Variants in CASK observed in about 807,000 individuals in gnomAD.
The protein encoded by CASK is peripheral plasma membrane protein CASK.
In CASK, 4 loss-of-function variants were observed where a neutral mutation model predicts 82.9. The ratio of observed to expected loss-of-function variants is 0.05; its 90% CI spans 0.02 to 0.11. The LOEUF (loss-of-function observed/expected upper bound fraction) is 0.11. CASK is among the 10% of genes least tolerant of loss of function. The probability of loss-of-function intolerance (pLI) is 1.00; values close to 1 mark genes in which losing one functional copy is unlikely to be tolerated. For missense variants in CASK, 358 were observed against 720.9 expected, an observed-to-expected ratio of 0.50 and a Z score of 5.76; for synonymous variants, 259 against 253.5, an observed-to-expected ratio of 1.02 and a Z score of -0.20.
At chrX:41,823,534 C>T (rs2070594987) in intron 2 of CASK, among the ~76,000 whole-genome samples, 1 of 110,832 alleles carries the variant, frequency 9.0e-6, no homozygotes, top group South Asian at 3.9e-4. Flanking sequence ...CTGCCTACTA[C>T]AATCTTGTTT....
intron 2 of CASK, among the ~76,000 whole-genome samples, chrX:41,849,501 C>T (rs2071219455): frequency 8.9e-6 from 1 of 111,751 alleles, no homozygotes; most frequent in Non-Finnish European, 1.9e-5. Context: ...GTAGAAACTT[C>T]TTATTCATCT....
chrX:41,685,061 C>T (rs955221250), intron 5 of CASK, among the ~76,000 whole-genome samples: 7 of 111,627 alleles, frequency 6.3e-5, no homozygotes, highest in African/African-American at 2.3e-4. Context: ...TACTTGTTCT[C>T]ATAACTTTTC....
At chrX:41,539,176 C>G (rs937957738) in intron 22 of CASK, among the ~76,000 whole-genome samples, 1 of 112,063 alleles carries the variant, frequency 8.9e-6, no homozygotes, top group African/African-American at 3.2e-5. Flanking sequence ...TAGGCTGTCA[C>G]TTTATGATGG....
intron 5 of CASK, among the ~76,000 whole-genome samples, chrX:41,716,371 C>T (rs1230369198): frequency 8.9e-6 from 1 of 112,484 alleles, no homozygotes; most frequent in African/African-American, 3.2e-5. Context: ...CCTTATTTGC[C>T]TTCGCAAGTG....
At chrX:41,729,251 T>C (rs2147686722) in intron 5 of CASK, 1 of 123,358 alleles carries the variant, frequency 8.1e-6, no homozygotes, top group South Asian at 3.7e-4. Flanking sequence ...ATTTCTTCAT[T>C]TGTAGAGCAG....
rs142644042 is a variant in CASK at position 41,731,806 on chromosome X, G to A, written c.429+7578C>T. On this transcript the variant is annotated intron_variant, in intron 5 of 26. Coordinates refer to ENST00000378163, the MANE Select transcript of CASK (RefSeq NM_001367721.1). ...TTTGGAGACAGGGTCTGTCTCTGTC[G>A]TCCAGGCTGGAGTACAGTGGTGATC... Among the ~76,000 whole-genome samples, 251 of 110,810 alleles carry A rather than the reference G, an allele frequency of 2.3e-3. 1 individual carries two copies. The highest frequency in any genetic ancestry group is 3.7e-3 in the Non-Finnish European group (196 of 52,934).
chrX:41,806,060 T>G (rs2070117546), intron 2 of CASK, among the ~76,000 whole-genome samples: 2 of 111,418 alleles, frequency 1.8e-5, no homozygotes, highest in African/African-American at 6.5e-5. Context: ...TAAGAAATAT[T>G]GGAGAAGAGT....
intron 5 of CASK, chrX:41,727,608 A>G: frequency 8.3e-7 from 1 of 1,209,199 alleles, no homozygotes; most frequent in Middle Eastern, 2.3e-4. Flanking sequence ...AGATGGAACT[A>G]GGAGCCATGA....
At chrX:41,809,027 C>T (rs1054735364) in intron 2 of CASK, among the ~76,000 whole-genome samples, 2 of 112,392 alleles carry the variant, frequency 1.8e-5, no homozygotes, top group African/African-American at 6.5e-5. Flanking sequence ...TGCAAGGCGG[C>T]AGCAAGGCTG....
chrX:41,756,343 T>C (rs748140831), intron 3 of CASK, among the ~76,000 whole-genome samples: 1 of 112,412 alleles, frequency 8.9e-6, no homozygotes, highest in East Asian at 2.8e-4. Context: ...TGTGCTTATG[T>C]GGACCAGGAT....
chrX:41,834,592 C>T (rs1022236615), intron 2 of CASK, among the ~76,000 whole-genome samples: 1 of 110,743 alleles, frequency 9.0e-6, no homozygotes, highest in African/African-American at 3.3e-5. Flanking sequence ...TTGTTTATTC[C>T]TCCCATAAAA....
At chrX:41,660,647 A>G (rs2067017275) in intron 7 of CASK, 86 bp from the exon 8 acceptor site, 2 of 955,625 alleles carry the variant, frequency 2.1e-6, no homozygotes, top group African/African-American at 1.9e-5. Flanking sequence ...TATTGCTTCA[A>G]TGTGAATAAA....
rs200022331 is a variant in CASK at position 41,570,013 on chromosome X, T to TC, written c.1504-268_1504-267insG. Among the ~76,000 whole-genome samples the TC allele has an allele frequency of 2.3e-3, 205 of 90,541 alleles. 5 individuals carry two copies. The East Asian group carries it at 0.062, about 28-fold the overall frequency. The allele number at this position is 90,541 out of a possible 115,157, so 78.6% of individuals were successfully genotyped here. A position where few individuals can be genotyped will look rare whatever the true frequency, so the allele number is the denominator to read the frequency against. ...ATTTTCTTTTCTTTTCTTTTTTCTT[T>TC]TTTTTTTTTTTTTTTTTGAGACTCT... On this transcript the variant is annotated intron_variant, in intron 15 of 26. Transcript: ENST00000378163.
intron 3 of CASK, among the ~76,000 whole-genome samples, chrX:41,773,462 T>C (rs2069285891): frequency 9.0e-6 from 1 of 110,600 alleles, no homozygotes; most frequent in Non-Finnish European, 1.9e-5. Context: ...AAAAGGATTA[T>C]GAAGATCATA....
At chrX:41,582,416 A>G (rs1237781877) in intron 14 of CASK, among the ~76,000 whole-genome samples, 2 of 111,343 alleles carry the variant, frequency 1.8e-5, no homozygotes, top group Non-Finnish European at 3.8e-5. Context: ...CCTGCGTTCA[A>G]GAGATTCTCC....
intron 5 of CASK, among the ~76,000 whole-genome samples, chrX:41,734,900 C>A (rs2068472191): frequency 1.8e-5 from 2 of 111,733 alleles, no homozygotes; most frequent in Non-Finnish European, 3.8e-5. Flanking sequence ...GCTTTTTATG[C>A]AGTTTTATGT....
In CASK at chrX:41,858,950, C is replaced by T. The variant is rs149058996; in HGVS notation, c.60-5723G>A. Among the ~76,000 whole-genome samples, 162 of 111,155 alleles carry T rather than the reference C, an allele frequency of 1.5e-3. 4 individuals carry two copies. In the East Asian group the frequency reaches 0.031, roughly 21 times the overall value. ...CTTCAAAAAAACACTGCATCTCAAACATAATAAAGTCAATATGAATTGTCA... is the reference window on the plus strand; with the variant it reads ...CTTCAAAAAAACACTGCATCTCAAATATAATAAAGTCAATATGAATTGTCA... On this transcript the variant is annotated intron_variant, in intron 1 of 26. Coordinates refer to ENST00000378163, the MANE Select transcript of CASK (RefSeq NM_001367721.1).
chrX:41,904,134 A>C (rs1162375123), intron 1 of CASK, among the ~76,000 whole-genome samples: 2 of 112,101 alleles, frequency 1.8e-5, no homozygotes, highest in African/African-American at 6.5e-5. Flanking sequence ...AAATGAAATC[A>C]TACAATATGT....
At chrX:41,824,613 G>T (rs1006892985) in intron 2 of CASK, among the ~76,000 whole-genome samples, 1 of 111,861 alleles carries the variant, frequency 8.9e-6, no homozygotes, top group African/African-American at 3.2e-5. Context: ...TGCTGGCAAG[G>T]TACTCTCCTT....
Sources: gnomAD v4.1 joint callset for allele counts (sites outside exome capture counted in the v4.1 genomes callset) on GRCh38, gnomAD v4.1.1 for gene constraint, MANE v1.5 for transcripts, NCBI Gene and HGNC (gene_info 2026-07-23, HGNC 2026-07-21) for gene names.